CHD1: variants seen among roughly 807,000 people sequenced by gnomAD.
The protein encoded by CHD1 is ATP-dependent chromatin remodeler CHD1.
A neutral mutation model predicts 224.2 loss-of-function variants in CHD1; 36 were observed. That is an observed-to-expected ratio of 0.16 (90% CI 0.12 to 0.21). The LOEUF (loss-of-function observed/expected upper bound fraction) is 0.21, where lower values mean the gene tolerates loss of function less well. CHD1 is among the 10% of genes least tolerant of loss of function. The pLI is 1.00. For synonymous variants in CHD1, 668 were observed against 658.3 expected, an observed-to-expected ratio of 1.01 and a Z score of -0.23; for missense variants, 1,378 against 1,994.8, an observed-to-expected ratio of 0.69 and a Z score of 5.89.
At chr5:98,874,446 G>C (rs1417647412) in intron 25 of CHD1, among the ~76,000 whole-genome samples, 1 of 150,862 alleles carries the variant, frequency 6.6e-6, no homozygotes, top group African/African-American at 2.4e-5. Flanking sequence ...TTAAAAGGCT[G>C]GGTTAGCCTT....
intron 2 of CHD1, among the ~76,000 whole-genome samples, chr5:98,915,442 T>C (rs940407291): frequency 2.0e-5 from 3 of 152,228 alleles, no homozygotes; most frequent in Admixed American, 1.3e-4. Context: ...ATTTCAAAGA[T>C]GATTACTTAG....
intron 13 of CHD1, 152 bp downstream of exon 13, chr5:98,894,445 C>T: frequency 3.0e-6 from 1 of 328,470 alleles, no homozygotes; most frequent in Non-Finnish European, 5.9e-6. Context: ...AGGTAAAAAC[C>T]ATTCTTAGTT....
In CHD1 at chr5:98,900,929, T is replaced by C. The variant is rs1178925968; in HGVS notation, c.741A>G (p.Glu247=). The change falls in exon 7 of 36, where the codon GAA becomes GAG. Residue 247 remains glutamate (E), a synonymous_variant. Transcript: ENST00000614616. ...TVNVSYKEDE[E]MKTDSDDLLE... Reference sequence around the variant, plus strand: ...GTAGGTCATCAGAATCTGTTTTCATTTCTTCATCCTCCTTATAGCTAACAT... The same window carrying C: ...GTAGGTCATCAGAATCTGTTTTCATCTCTTCATCCTCCTTATAGCTAACAT... The C allele has an allele frequency of 1.2e-6, 2 of 1,614,120 alleles. No individual in the cohort carries two copies. The highest frequency in any genetic ancestry group is 1.7e-5 in the Admixed American group (1 of 60,024).
In CHD1 at chr5:98,903,881, C is replaced by T; in HGVS notation, c.283G>A (p.Ala95Thr). The T allele has an allele frequency of 6.2e-7, 1 of 1,609,368 alleles. No individual in the cohort carries two copies. Among genetic ancestry groups the T allele is most frequent in the Non-Finnish European group, 8.5e-7 (1 of 1,177,286 alleles). The change falls in exon 4 of 36, where the codon GCC becomes ACC. Residue 95 changes from alanine to threonine, a missense_variant. Ala to Thr is a moderately conservative substitution (Grantham distance 58). Transcript: ENST00000614616. Reference protein sequence around the residue: ...EFWKSSPSILAVQRSAILKKQ... With the variant: ...EFWKSSPSILTVQRSAILKKQ... ...TTGAGGATTGCAGATCTCTGAACGG[C>T]CAGAATACTAGGACTAGATTTCCAA...
At chr5:98,925,522 AC>A (rs1420183873) in intron 2 of CHD1, among the ~76,000 whole-genome samples, 1 of 152,198 alleles carries the variant, frequency 6.6e-6, no homozygotes, top group African/African-American at 2.4e-5. Context: ...GGGTAAGCAA[AC>A]AGTTTGACTC....
chr5:98,857,612 CTTCT>C (rs1227286871), intron 35 of CHD1, among the ~76,000 whole-genome samples: 1 of 152,010 alleles, frequency 6.6e-6, no homozygotes, highest in Non-Finnish European at 1.5e-5. Flanking sequence ...ACCGAAAATA[CTTCT>C]TTATCAATAA....
chr5:98,919,512 C>T (rs867729414), intron 2 of CHD1, among the ~76,000 whole-genome samples: 27 of 151,976 alleles, frequency 1.8e-4, no homozygotes, highest in Non-Finnish European at 2.6e-4. Context: ...ATTTTAGTTG[C>T]GAAATTAGTT....
chr5:98,923,133 G>A (rs1753216193), intron 2 of CHD1, among the ~76,000 whole-genome samples: 1 of 152,032 alleles, frequency 6.6e-6, no homozygotes, highest in Non-Finnish European at 1.5e-5. Context: ...AATGTCTTAT[G>A]ACAAAAGCTT....
chr5:98,883,285 C>T (rs1314542649), intron 18 of CHD1, 48 bp from the exon 19 acceptor site: 2 of 1,362,320 alleles, frequency 1.5e-6, no homozygotes, highest in African/African-American at 2.9e-5. Flanking sequence ...AATTGATTTT[C>T]TGAACGTAAG....
intron 2 of CHD1, among the ~76,000 whole-genome samples, chr5:98,915,401 A>C (rs926851891): frequency 1.3e-5 from 2 of 151,910 alleles, no homozygotes; most frequent in African/African-American, 4.9e-5. Context: ...AAGTGGAGAG[A>C]TACTAGGAAG....
chr5:98,913,176 C>T (rs1184413540), intron 2 of CHD1, among the ~76,000 whole-genome samples: 1 of 152,052 alleles, frequency 6.6e-6, no homozygotes, highest in African/African-American at 2.4e-5. Flanking sequence ...CAATGTCATT[C>T]GAAAGAGCTT....
intron 2 of CHD1, among the ~76,000 whole-genome samples, chr5:98,917,999 GT>G (rs1752850188): frequency 6.6e-6 from 1 of 151,694 alleles, no homozygotes; most frequent in Admixed American, 6.6e-5. Context: ...CATTGGCAGT[GT>G]TTTTTCTGCT....
At position 98,899,466 on chromosome 5, in the gene CHD1, T is replaced by C. The variant is rs1293315860; in HGVS notation, c.1085+14A>G. The C allele has an allele frequency of 8.3e-6, 12 of 1,454,472 alleles. No individual in the cohort carries two copies. Among genetic ancestry groups the C allele is most frequent in the Non-Finnish European group, 1.2e-5 (12 of 1,038,728 alleles). The allele number at this position is 1,454,472 out of a possible 1,614,324, so 90.1% of individuals were successfully genotyped here. On this transcript the variant is annotated intron_variant, in intron 8 of 35. Coordinates refer to ENST00000614616, the MANE Select transcript of CHD1 (RefSeq NM_001270.4). Reference sequence around the variant, plus strand: ...GAACTATTAAAAGAAGTATATGATATACAGCATACTTACCATCTTTTTGTT... The same window carrying C: ...GAACTATTAAAAGAAGTATATGATACACAGCATACTTACCATCTTTTTGTT...
At chr5:98,874,962 G>A (rs1450712301) in intron 25 of CHD1, 110 bp downstream of exon 25, 14 of 637,176 alleles carry the variant, frequency 2.2e-5, no homozygotes, top group Non-Finnish European at 3.6e-5. Context: ...TGTAAATGCC[G>A]ATTAAAAGCA....
At chr5:98,903,366 C>T (rs1751847218) in intron 4 of CHD1, among the ~76,000 whole-genome samples, 3 of 151,494 alleles carry the variant, frequency 2.0e-5, no homozygotes, top group Admixed American at 2.0e-4. Context: ...TGCTTGCACA[C>T]ACACACAAAC....
chr5:98,859,230 A>C (rs911747188), intron 33 of CHD1, among the ~76,000 whole-genome samples: 1 of 152,134 alleles, frequency 6.6e-6, no homozygotes, highest in African/African-American at 2.4e-5. Flanking sequence ...TCATTTTGAA[A>C]TAAATTGACT....
rs1213595247 is a variant in CHD1 at position 98,876,397 on chromosome 5, C to A, written c.3398+1G>T. On this transcript the variant is annotated splice_donor_variant, in intron 24 of 35. Coordinates refer to ENST00000614616, the MANE Select transcript of CHD1 (RefSeq NM_001270.4). LOFTEE classifies it high-confidence loss of function. ...GAAGCGATTGTCTTATAACACCTTA[C>A]CGCCTAATTTCTGCATCACTAAATC... 6.2e-7 allele frequency: 1 copy of A among 1,613,508 alleles called. No homozygotes were observed. The highest frequency in any genetic ancestry group is 8.5e-7 in the Non-Finnish European group (1 of 1,179,544).
chr5:98,882,280 A>G (rs1750246732), intron 19 of CHD1, among the ~76,000 whole-genome samples, 157 bp from the exon 20 acceptor site: 1 of 152,226 alleles, frequency 6.6e-6, no homozygotes, highest in African/African-American at 2.4e-5. Flanking sequence ...GTTTAAAGCT[A>G]GAGTTCCTCA....
rs910481319 is a variant in CHD1, at chr5:98,855,660, T to C, written c.*720A>G. ...CAAGACAAATCATTAAAAAGTGTTA[T>C]TACACTGATTTTTTTTTTTTTAATA... is the stretch of plus-strand genomic sequence containing the variant. On this transcript the variant is annotated 3_prime_UTR_variant, in exon 36 of 36. Coordinates refer to ENST00000614616, the MANE Select transcript of CHD1 (RefSeq NM_001270.4). The C allele has an allele frequency of 6.6e-6, 1 of 151,330 alleles. No homozygotes were observed. The highest frequency in any genetic ancestry group is 1.5e-5 in the Non-Finnish European group (1 of 67,852). 9.4% of individuals were successfully genotyped at this position (151,330 alleles called of 1,614,324 possible). A position where few individuals can be genotyped will look rare whatever the true frequency, so the allele number is the denominator to read the frequency against.
Sources: allele counts gnomAD v4.1 joint callset (sites outside exome capture counted in the v4.1 genomes callset), GRCh38; gene constraint gnomAD v4.1.1; transcripts MANE v1.5; gene names NCBI Gene and HGNC (gene_info 2026-07-23, HGNC 2026-07-21).